The following ARHGAP21 variants were observed in gnomAD, a reference collection of about 807,000 sequenced individuals.
ARHGAP21 encodes the protein rho GTPase-activating protein 21.
A neutral mutation model predicts 164.6 loss-of-function variants in ARHGAP21; 38 were observed. That is an observed-to-expected ratio of 0.23 (90% confidence interval 0.18 to 0.30). The LOEUF (loss-of-function observed/expected upper bound fraction) is 0.30, where lower values mean the gene tolerates loss of function less well. Ranked by LOEUF, ARHGAP21 falls within the 10% of genes least tolerant of loss-of-function variation. ARHGAP21 has a pLI of 1.00. For synonymous variants in ARHGAP21, 766 were observed against 857.9 expected (o/e 0.89, Z 1.87); for missense variants, 1,822 against 2,370.7 (o/e 0.77, Z 4.81).
At chr10:24,624,331 C>G (rs921649518) in intron 7 of ARHGAP21, among the ~76,000 whole-genome samples, 5 of 104,310 alleles carry the variant, frequency 4.8e-5, no homozygotes, top group African/African-American at 2.0e-4. Context: ...AAATGCTGTT[C>G]TAGAACTTTT....
In ARHGAP21 at chr10:24,619,797, C is replaced by T. The variant is rs754311804; in HGVS notation, c.2098G>A (p.Ala700Thr). ...GGTAGTTCTAAATCTGAAGTACCAG[C>T]GTTTTCACTCGACTGAGGGGCAGGC... Reference protein sequence around the residue: ...AKPAPQSSENAGTSDLELPVS... With the variant: ...AKPAPQSSENTGTSDLELPVS... The change falls in exon 9 of 26, where the codon GCT becomes ACT. Residue 700 changes from alanine (A) to threonine (T), a missense_variant. Physicochemically the swap from Ala to Thr is moderately conservative, Grantham distance 58. Transcript: ENST00000396432. The T allele has an allele frequency of 8.7e-6, 14 of 1,614,000 alleles. No homozygotes were observed. In the South Asian group the frequency reaches 8.8e-5, roughly 10 times the overall value.
intron 2 of ARHGAP21, among the ~76,000 whole-genome samples, chr10:24,709,574 C>CA (rs916361837): frequency 6.6e-5 from 10 of 151,508 alleles, no homozygotes; most frequent in Admixed American, 5.3e-4. Context: ...CTCATCTCTA[C>CA]AAAAAAAATT....
chr10:24,596,320 T>A, intron 17 of ARHGAP21: 1 of 431,880 alleles, frequency 2.3e-6, no homozygotes, highest in Non-Finnish European at 4.0e-6. Context: ...GTGGAAACCG[T>A]TCCGCTGAAT....
intron 25 of ARHGAP21, among the ~76,000 whole-genome samples, chr10:24,587,244 A>G (rs150392206): frequency 3.4e-4 from 52 of 152,196 alleles, no homozygotes; most frequent in African/African-American, 1.2e-3. Flanking sequence ...TCAGCCTCCC[A>G]AAGTGCCAGG....
At chr10:24,642,703 T>C (rs2131452587) in intron 4 of ARHGAP21, among the ~76,000 whole-genome samples, 1 of 152,232 alleles carries the variant, frequency 6.6e-6, no homozygotes, top group South Asian at 2.1e-4. Context: ...CCCCAAAGGC[T>C]ATGAAATAAA....
rs57846258 is a variant in ARHGAP21 at position 24,592,156 on chromosome 10, A to ATTT, written c.3877-147_3877-145dup. On this transcript the variant is annotated intron_variant, in intron 21 of 25. Transcript: ENST00000396432. ...TAAAAAAATAATGCTTTCTAGCAAG[A>ATTT]TTTTTTTTTTTTTTTTTTTTTTTTT... is the stretch of plus-strand genomic sequence containing the variant. The ATTT allele has an allele frequency of 1.2e-3, 252 of 213,642 alleles. 4 individuals carry two copies. Among genetic ancestry groups the ATTT allele is most frequent in the African/African-American group, 5.9e-3 (143 of 24,406 alleles). 13.2% of individuals were successfully genotyped at this position (213,642 alleles called of 1,614,324 possible). A position where few individuals can be genotyped will look rare whatever the true frequency, so the allele number is the denominator to read the frequency against.
chr10:24,688,881 T>A (rs1268804574), intron 2 of ARHGAP21, among the ~76,000 whole-genome samples: 1 of 152,220 alleles, frequency 6.6e-6, no homozygotes. Flanking sequence ...GTTTCCTTTT[T>A]CTTTCCCTTC....
intron 25 of ARHGAP21, among the ~76,000 whole-genome samples, chr10:24,587,152 T>C (rs2076138842): frequency 6.6e-6 from 1 of 152,122 alleles, no homozygotes; most frequent in Non-Finnish European, 1.5e-5. Flanking sequence ...ATAGGTTCTT[T>C]TAAAAAAAAT....
At chr10:24,650,114 A>C (rs1209882998) in intron 4 of ARHGAP21, among the ~76,000 whole-genome samples, 1 of 152,234 alleles carries the variant, frequency 6.6e-6, no homozygotes, top group Non-Finnish European at 1.5e-5. Flanking sequence ...CTTCAATATT[A>C]CTGAATAATT....
intron 2 of ARHGAP21, among the ~76,000 whole-genome samples, chr10:24,711,410 T>C (rs1420329805): frequency 6.6e-6 from 1 of 152,106 alleles, no homozygotes; most frequent in Non-Finnish European, 1.5e-5. Flanking sequence ...AATCAATCTT[T>C]TATAAATCAT....
intron 9 of ARHGAP21, among the ~76,000 whole-genome samples, chr10:24,615,900 A>T (rs1459402523): frequency 6.6e-6 from 1 of 151,974 alleles, no homozygotes; most frequent in Non-Finnish European, 1.5e-5. Flanking sequence ...TCCGCCTCCC[A>T]AGTAGCTGGG....
chr10:24,639,063 T>C (rs1836699864), intron 4 of ARHGAP21, among the ~76,000 whole-genome samples: 1 of 152,302 alleles, frequency 6.6e-6, no homozygotes, highest in East Asian at 1.9e-4. Flanking sequence ...AAATACTGAA[T>C]GTTCAGGTGG....
chr10:24,682,127 AC>A (rs1565155512), intron 2 of ARHGAP21, among the ~76,000 whole-genome samples: 2 of 152,206 alleles, frequency 1.3e-5, no homozygotes, highest in African/African-American at 4.8e-5. Flanking sequence ...AAAAAAAAAA[AC>A]ATAGGGGTCA....
At chr10:24,651,576 T>C (rs1217150669) in intron 4 of ARHGAP21, among the ~76,000 whole-genome samples, 1 of 152,210 alleles carries the variant, frequency 6.6e-6, no homozygotes, top group Non-Finnish European at 1.5e-5. Flanking sequence ...GCAAAAATTC[T>C]AAATAAAACA....
rs1180511038 is a variant in ARHGAP21, at chr10:24,584,434, G to C, written c.5855C>G (p.Ala1952Gly). 1.9e-6 allele frequency: 3 copies of C among 1,610,992 alleles called. No individual in the cohort carries two copies. The highest frequency in any genetic ancestry group is 2.5e-6 in the Non-Finnish European group (3 of 1,178,444). ...HKLSETPGSK[A>G]EFHPCL is the part of the protein sequence containing the mutation. Reference sequence around the variant, plus strand: ...AGTTTAAAGACAGGGATGAAACTCTGCTTTACTGCCTGGGGTTTCAGACAG... The same window carrying C: ...AGTTTAAAGACAGGGATGAAACTCTCCTTTACTGCCTGGGGTTTCAGACAG... Residue 1952 changes from alanine to glycine, a missense_variant, in exon 26 of 26, where the codon GCA becomes GGA. Transcript: ENST00000396432.
chr10:24,585,532 T>C lies in ARHGAP21; in HGVS notation c.4757A>G (p.Asp1586Gly), dbSNP rs754434810. 2 of 1,614,174 alleles carry C rather than the reference T, an allele frequency of 1.2e-6. No homozygotes were observed. The highest frequency in any genetic ancestry group is 2.2e-5 in the South Asian group (2 of 91,074). Residue 1586 changes from aspartate to glycine, a missense_variant, in exon 26 of 26, where the codon GAT becomes GGT. Coordinates refer to ENST00000396432, the MANE Select transcript of ARHGAP21 (RefSeq NM_020824.4). ...FLANVSTITSDYSTTSSATYL... is the reference protein window; with the variant it reads ...FLANVSTITSGYSTTSSATYL... ...TGTAGCAGACGATGTGGTGGAATAA[T>C]CTGAGGTGATGGTGCTGACGTTGGC... is the stretch of plus-strand genomic sequence containing the variant.
intron 9 of ARHGAP21, among the ~76,000 whole-genome samples, chr10:24,609,523 T>G (rs2077165443): frequency 6.6e-6 from 1 of 152,214 alleles, no homozygotes; most frequent in African/African-American, 2.4e-5. Flanking sequence ...TTATAATAAA[T>G]TCCTTTTACT....
At chr10:24,589,794 G>A (rs117755522) in intron 24 of ARHGAP21, 1,925 of 159,554 alleles carry the variant, frequency 0.012, 16 homozygotes, top group Non-Finnish European at 0.02. Context: ...TGCTGTATGC[G>A]TATGGATGCA....
intron 14 of ARHGAP21, among the ~76,000 whole-genome samples, chr10:24,598,640 A>G (rs967278220): frequency 9.2e-5 from 14 of 152,082 alleles, no homozygotes; most frequent in African/African-American, 2.4e-4. Flanking sequence ...TTTTTTTCCT[A>G]TTCATTCCAA....
Sources: allele counts gnomAD v4.1 joint callset (sites outside exome capture counted in the v4.1 genomes callset), GRCh38; gene constraint gnomAD v4.1.1; transcripts MANE v1.5; gene names NCBI Gene and HGNC (gene_info 2026-07-23, HGNC 2026-07-21).